The following KCNS3 variants were observed in gnomAD, a reference collection of about 807,000 sequenced individuals.
KCNS3 encodes potassium voltage-gated channel modifier subfamily S member 3.
Under a neutral mutation model 31.0 loss-of-function variants are expected in KCNS3, and 13 were observed. The observed-to-expected ratio is 0.42, with a 90% CI of 0.27 to 0.67. KCNS3 has a LOEUF of 0.67. KCNS3 is among the 30% of genes least tolerant of loss of function. The pLI is 0.25. For missense variants in KCNS3, 545 were observed against 622.4 expected, an observed-to-expected ratio of 0.88 and a Z score of 1.32; for synonymous variants, 238 against 241.5, an observed-to-expected ratio of 0.99 and a Z score of 0.13.
At chr2:17,908,671 G>T (rs60628679) in intron 1 of KCNS3, among the ~76,000 whole-genome samples, 3 of 152,164 alleles carry the variant, frequency 2.0e-5, no homozygotes. Context: ...TTAGTTTTCC[G>T]TCTAGCAGTC....
intron 1 of KCNS3, among the ~76,000 whole-genome samples, chr2:17,911,031 G>A (rs1264886572): frequency 6.6e-6 from 1 of 151,850 alleles, no homozygotes; most frequent in African/African-American, 2.4e-5. Context: ...CCCTTACCTG[G>A]CTCCTTTACT....
At chr2:17,906,173 C>G (rs747824575) in intron 1 of KCNS3, among the ~76,000 whole-genome samples, 1 of 152,184 alleles carries the variant, frequency 6.6e-6, no homozygotes, top group Non-Finnish European at 1.5e-5. Flanking sequence ...TCAACTTCTT[C>G]GTGGTTTAAT....
At position 17,931,439 on chromosome 2, in the gene KCNS3, C is replaced by G. The variant is rs201851493; in HGVS notation, c.431C>G (p.Ser144Cys). ...AAAAGCCATGATGTGAGTACCGACT[C>G]CTCGTTTGAAGAGTCGTCTCTGTTT... ...DQKSHDVSTD[S>C]SFEESSLFEK... Residue 144 changes from serine to cysteine, a missense_variant, in exon 3 of 3, where the codon TCC (serine) becomes TGC (cysteine). By Grantham distance (112) the Ser-to-Cys change is moderately radical (BLOSUM62 -1). Coordinates refer to ENST00000304101, the MANE Select transcript of KCNS3 (RefSeq NM_002252.5). The surrounding 1 kb of genome is among the most constrained non-coding windows in gnomAD (Gnocchi z 5.4). 57 of 1,614,050 alleles carry G rather than the reference C, an allele frequency of 3.5e-5. No individual in the cohort carries two copies. In the African/African-American group the frequency reaches 6.4e-4, roughly 18 times the overall value.
At chr2:17,905,920 C>A (rs1263438767) in intron 1 of KCNS3, among the ~76,000 whole-genome samples, 3 of 152,058 alleles carry the variant, frequency 2.0e-5, no homozygotes, top group Non-Finnish European at 2.9e-5. Flanking sequence ...GTCTAAAATT[C>A]TCTTTTTTTG....
intron 1 of KCNS3, among the ~76,000 whole-genome samples, chr2:17,888,658 T>C (rs1249848102): frequency 7.3e-6 from 1 of 136,760 alleles, no homozygotes; most frequent in Non-Finnish European, 1.5e-5. Context: ...TATATATATA[T>C]ATATATATAT....
At chr2:17,895,903 G>T (rs1662014425) in intron 1 of KCNS3, among the ~76,000 whole-genome samples, 1 of 152,164 alleles carries the variant, frequency 6.6e-6, no homozygotes, top group Admixed American at 6.5e-5. Flanking sequence ...ATGGAGTAAG[G>T]CAGAGGTATG....
chr2:17,904,144 T>C (rs900822308), intron 1 of KCNS3, among the ~76,000 whole-genome samples: 5 of 152,204 alleles, frequency 3.3e-5, no homozygotes, highest in African/African-American at 7.2e-5. Flanking sequence ...TTTTAATGAT[T>C]GCCATTGTAA....
At chr2:17,886,446 A>G (rs1661655408) in intron 1 of KCNS3, among the ~76,000 whole-genome samples, 1 of 151,882 alleles carries the variant, frequency 6.6e-6, no homozygotes, top group African/African-American at 2.4e-5. Context: ...TCTTGGAAGT[A>G]TTTTTTTTGT....
At chr2:17,886,845 T>C (rs1455937276) in intron 1 of KCNS3, among the ~76,000 whole-genome samples, 1 of 150,608 alleles carries the variant, frequency 6.6e-6, no homozygotes, top group Non-Finnish European at 1.5e-5. Context: ...TGCCCTCTCA[T>C]CTTCTCCTTA....
chr2:17,905,445 C>T (rs917454221), intron 1 of KCNS3, among the ~76,000 whole-genome samples: 22 of 144,442 alleles, frequency 1.5e-4, no homozygotes, highest in Admixed American at 6.3e-4. Context: ...AATTGAATAC[C>T]CTTTATTTCT....
rs1407297620 is a variant in KCNS3 at position 17,898,250 on chromosome 2, T to C, written c.-251-19430T>C. Among the ~76,000 whole-genome samples, 117 of 152,008 alleles carry C rather than the reference T, an allele frequency of 7.7e-4. 2 individuals carry two copies. The highest frequency in any genetic ancestry group is 5.6e-4 in the Non-Finnish European group (38 of 67,932). ...AGTAATGTGATGCCTCTAGGTTTTT[T>C]TTTTTTTTTTTGCTTAAGATTGCTT... On this transcript the variant is annotated intron_variant, in intron 1 of 2. Coordinates refer to ENST00000304101, the MANE Select transcript of KCNS3 (RefSeq NM_002252.5).
intron 2 of KCNS3, among the ~76,000 whole-genome samples, chr2:17,921,947 A>C (rs1284342607): frequency 1.5e-4 from 20 of 137,624 alleles, no homozygotes; most frequent in Middle Eastern, 7.4e-3. Flanking sequence ...ATATATATAT[A>C]TATATATATA....
rs572534831 is a variant in KCNS3, at chr2:17,911,348, C to G, written c.-251-6332C>G. On this transcript the variant is annotated intron_variant, in intron 1 of 2. Transcript: ENST00000304101. ...CAGCCATGAATGAATAGCATTAGCTCAGGATAGTGGAGGGCTTTGGCTGGG... is the reference window on the plus strand; with the variant it reads ...CAGCCATGAATGAATAGCATTAGCTGAGGATAGTGGAGGGCTTTGGCTGGG... Among the ~76,000 whole-genome samples, 272 of 152,312 alleles carry G rather than the reference C, an allele frequency of 1.8e-3. 1 individual carries two copies. The highest frequency in any genetic ancestry group is 2.7e-3 in the Non-Finnish European group (186 of 68,032).
chr2:17,931,881 C>G lies in KCNS3; in HGVS notation c.873C>G (p.Ile291Met). 1.2e-6 allele frequency: 2 copies of G among 1,614,124 alleles called. No homozygotes were observed. The highest frequency in any genetic ancestry group is 1.7e-6 in the Non-Finnish European group (2 of 1,179,998). Residue 291 changes from isoleucine to methionine, a missense_variant, in exon 3 of 3, where the codon ATC becomes ATG. By Grantham distance (10) the Ile-to-Met change is conservative. Coordinates refer to ENST00000304101, the MANE Select transcript of KCNS3 (RefSeq NM_002252.5). This position sits in a 1 kb window ranked among gnomAD's most constrained non-coding sequence, Gnocchi z 5.4. ...DIENMGKVVQ[I>M]LRLMRIFRIL... ...AGAACATGGGCAAGGTGGTCCAGAT[C>G]CTACGGCTTATGAGGATTTTCCGAA...
chr2:17,929,836 T>G (rs1662915101), intron 2 of KCNS3, among the ~76,000 whole-genome samples: 2 of 152,342 alleles, frequency 1.3e-5, no homozygotes, highest in South Asian at 4.1e-4. Flanking sequence ...GCTCCATCAT[T>G]TACCTATTAT....
Position 17,931,370 on chromosome 2 carries a change from A to G in KCNS3, c.362A>G (p.Tyr121Cys), listed in dbSNP as rs147163003. Residue 121 changes from tyrosine to cysteine, a missense_variant, in exon 3 of 3, where the codon TAC becomes TGC. Tyr to Cys is a radical substitution (Grantham distance 194, BLOSUM62 -2). Transcript: ENST00000304101. This position sits in a 1 kb window ranked among gnomAD's most constrained non-coding sequence, Gnocchi z 5.4. Reference sequence around the variant, plus strand: ...ATTGATTCTTGCTGCAGCAATCGCTACCAGGAACGCAAGGAGGAAAACCAC... The same window carrying G: ...ATTGATTCTTGCTGCAGCAATCGCTGCCAGGAACGCAAGGAGGAAAACCAC... ...LFIDSCCSNR[Y>C]QERKEENHEK... is the part of the protein sequence containing the mutation. The G allele has an allele frequency of 2.3e-4, 364 of 1,614,164 alleles. No individual in the cohort carries two copies. The African/African-American group carries it at 4.1e-3, about 18-fold the overall frequency.
At chr2:17,897,994 G>A (rs567284647) in intron 1 of KCNS3, among the ~76,000 whole-genome samples, 1 of 152,258 alleles carries the variant, frequency 6.6e-6, no homozygotes, top group African/African-American at 2.4e-5. Flanking sequence ...ATAAGTAGGG[G>A]TTCAAATTTG....
At chr2:17,888,646 T>TATATAC (rs1558447008) in intron 1 of KCNS3, among the ~76,000 whole-genome samples, 1 of 127,290 alleles carries the variant, frequency 7.9e-6, no homozygotes, top group Non-Finnish European at 1.7e-5. Context: ...TATATATATA[T>TATATAC]ATATATATAT....
At chr2:17,909,773 A>G (rs1662427888) in intron 1 of KCNS3, among the ~76,000 whole-genome samples, 1 of 152,230 alleles carries the variant, frequency 6.6e-6, no homozygotes, top group African/African-American at 2.4e-5. Flanking sequence ...GATATGGCTC[A>G]CTTGGCATGA....
Sources: allele counts gnomAD v4.1 joint callset (sites outside exome capture counted in the v4.1 genomes callset), GRCh38; gene constraint gnomAD v4.1.1; non-coding constraint Gnocchi (gnomAD v3.1); transcripts MANE v1.5; gene names NCBI Gene and HGNC (gene_info 2026-07-23, HGNC 2026-07-21).